Variants in CAPN2 observed in about 807,000 individuals in gnomAD.
CAPN2 encodes the protein calpain-2 catalytic subunit.
Under a neutral mutation model 102.3 loss-of-function variants are expected in CAPN2, and 92 were observed. The ratio of observed to expected loss-of-function variants is 0.90; its 90% CI spans 0.76 to 1.07. CAPN2 has a LOEUF of 1.07. CAPN2 is among the 50% of genes least tolerant of loss of function. The pLI, the probability that CAPN2 is intolerant of heterozygous loss-of-function variation, is 0.00. For missense variants in CAPN2, 800 were observed against 909.4 expected, an observed-to-expected ratio of 0.88 and a Z score of 1.55; for synonymous variants, 340 against 355.4, an observed-to-expected ratio of 0.96 and a Z score of 0.49.
Position 223,755,347 on chromosome 1 carries a change from T to C in CAPN2, c.1136-133T>C. ...CACCATCCCCCACCACCTCTTACCATCTCCCACCACCTCCCACCATCTCCC... is the reference window on the plus strand; with the variant it reads ...CACCATCCCCCACCACCTCTTACCACCTCCCACCACCTCCCACCATCTCCC... On this transcript the variant is annotated intron_variant, in intron 9 of 20. Coordinates refer to ENST00000295006, the MANE Select transcript of CAPN2 (RefSeq NM_001748.5). This position sits in a 1 kb window ranked among gnomAD's most constrained non-coding sequence, Gnocchi z 4.1. The C allele has an allele frequency of 2.5e-6, 2 of 810,876 alleles. No individual in the cohort carries two copies. The highest frequency in any genetic ancestry group is 2.6e-5 in the East Asian group (1 of 38,682). The allele number at this position is 810,876 out of a possible 1,614,324, so 50.2% of individuals were successfully genotyped here.
chr1:223,718,043 T>C (rs1659927735), intron 2 of CAPN2, among the ~76,000 whole-genome samples: 1 of 152,240 alleles, frequency 6.6e-6, no homozygotes, highest in Non-Finnish European at 1.5e-5. Context: ...CTGTGTCCCC[T>C]GCACAGGGCT....
At chr1:223,703,460 G>C (rs533492821) in intron 1 of CAPN2, among the ~76,000 whole-genome samples, 1 of 152,260 alleles carries the variant, frequency 6.6e-6, no homozygotes, top group Non-Finnish European at 1.5e-5. Flanking sequence ...GTTCTCTCCA[G>C]GCTGCTCCAG....
chr1:223,774,744 C>A, intron 20 of CAPN2, 90 bp from the exon 21 acceptor site: 1 of 1,165,582 alleles, frequency 8.6e-7, no homozygotes. Context: ...TTTTCCAGTA[C>A]AAGTTTTTTG....
intron 2 of CAPN2, among the ~76,000 whole-genome samples, chr1:223,743,889 A>C (rs1660684917): frequency 6.6e-6 from 1 of 152,230 alleles, no homozygotes; most frequent in African/African-American, 2.4e-5. Flanking sequence ...TCAAAATACT[A>C]GGTTGGTGCA....
At position 223,712,702 on chromosome 1, in the gene CAPN2, A is replaced by G. The variant is rs778315168; in HGVS notation, c.62A>G (p.His21Arg). The G allele has an allele frequency of 4.2e-5, 67 of 1,578,814 alleles. No homozygotes were observed. The highest frequency in any genetic ancestry group is 1.1e-5 in the Non-Finnish European group (13 of 1,165,252). Residue 21 changes from histidine to arginine, a missense_variant, in exon 1 of 21, where the codon CAC becomes CGC. Physicochemically the swap from His to Arg is conservative, Grantham distance 29. Coordinates refer to ENST00000295006, the MANE Select transcript of CAPN2 (RefSeq NM_001748.5). Reference sequence around the variant, plus strand: ...GAGGCGGCCGAGGGGCTGGGCTCCCACGACAGGGCCATCAAGTACCTCAAC... The same window carrying G: ...GAGGCGGCCGAGGGGCTGGGCTCCCGCGACAGGGCCATCAAGTACCTCAAC... ...DREAAEGLGS[H>R]DRAIKYLNQD...
intron 2 of CAPN2, among the ~76,000 whole-genome samples, chr1:223,719,279 G>C (rs1490265810): frequency 6.6e-6 from 1 of 152,138 alleles, no homozygotes; most frequent in Non-Finnish European, 1.5e-5. Context: ...GCTCACATCT[G>C]TAATCCCAGC....
intron 1 of CAPN2, among the ~76,000 whole-genome samples, chr1:223,714,640 A>AAT (rs1659828757): frequency 1.3e-5 from 2 of 151,346 alleles, no homozygotes; most frequent in Admixed American, 1.3e-4. Flanking sequence ...AAAAAAAAAA[A>AAT]GTGAAACACA....
chr1:223,702,294 G>C lies in CAPN2; in HGVS notation c.3+463G>C, dbSNP rs778481762. On this transcript the variant is annotated intron_variant, in intron 1 of 20. Transcript: ENST00000433674. ...TACAAAAATTAGCTGGGCCGTAATG[G>C]TGCACACCTGTAATCCCAGCTACTA... Among the ~76,000 whole-genome samples, 196 of 152,092 alleles carry C rather than the reference G, an allele frequency of 1.3e-3. 1 individual carries two copies. Among genetic ancestry groups the C allele is most frequent in the Non-Finnish European group, 1.6e-3 (112 of 67,970 alleles).
rs1330078046 is a variant in CAPN2 at position 223,772,245 on chromosome 1, T to C, written c.2079+6T>C. ...TAGAGCTCGACCTTATCTCTGTGAG[T>C]CAGCAGGCCCCGCCTTGCTTCTAAG... On this transcript the variant is annotated splice_donor_region_variant and intron_variant, in intron 20 of 20. Transcript: ENST00000295006. The C allele has an allele frequency of 6.2e-7, 1 of 1,613,356 alleles. No homozygotes were observed.
intron 2 of CAPN2, among the ~76,000 whole-genome samples, chr1:223,730,993 A>G (rs919105898): frequency 2.6e-5 from 4 of 152,230 alleles, no homozygotes; most frequent in African/African-American, 7.2e-5. Context: ...TCAGGGAGCT[A>G]TGGAAGTAGT....
intron 14 of CAPN2, among the ~76,000 whole-genome samples, 194 bp downstream of exon 14, chr1:223,762,445 G>A (rs755309555): frequency 4.1e-4 from 62 of 152,128 alleles, no homozygotes; most frequent in Admixed American, 7.2e-4. Flanking sequence ...GCATGCTGCC[G>A]GGGGCTTCCA....
chr1:223,737,589 A>C (rs2102789841), intron 2 of CAPN2, among the ~76,000 whole-genome samples: 1 of 151,938 alleles, frequency 6.6e-6, no homozygotes, highest in East Asian at 1.9e-4. Context: ...TGGGATGAGA[A>C]AGGCAGATGA....
chr1:223,702,288 G>A (rs1201404334), intron 1 of CAPN2, among the ~76,000 whole-genome samples: 2 of 151,818 alleles, frequency 1.3e-5, no homozygotes, highest in East Asian at 1.9e-4. Context: ...TAGCTGGGCC[G>A]TAATGGTGCA....
chr1:223,752,181 C>A, intron 8 of CAPN2, 110 bp downstream of exon 8: 1 of 737,596 alleles, frequency 1.4e-6, no homozygotes, highest in Non-Finnish European at 2.3e-6. Context: ...ATGTCGAGGA[C>A]ACAAGCGTGT....
intron 5 of CAPN2, among the ~76,000 whole-genome samples, chr1:223,748,503 C>T (rs1234768677): frequency 1.3e-5 from 2 of 152,256 alleles, no homozygotes; most frequent in African/African-American, 4.8e-5. Context: ...CAAATTCTGA[C>T]TCAGACCGGA....
At position 223,756,928 on chromosome 1, in the gene CAPN2, T is replaced by C. The variant is rs928911336; in HGVS notation, c.1306-441T>C. On this transcript the variant is annotated intron_variant, in intron 10 of 20. Coordinates refer to ENST00000295006, the MANE Select transcript of CAPN2 (RefSeq NM_001748.5). The surrounding 1 kb of genome is among the most constrained non-coding windows in gnomAD (Gnocchi z 4.1). ...GGTCCTATTTTTGAGACAAGAAAACTGAGGCCAGAGAGGAGAGGGGACTTG... is the reference window on the plus strand; with the variant it reads ...GGTCCTATTTTTGAGACAAGAAAACCGAGGCCAGAGAGGAGAGGGGACTTG... Among the ~76,000 whole-genome samples, 2 of 152,120 alleles carry C rather than the reference T, an allele frequency of 1.3e-5. No individual in the cohort carries two copies. Among genetic ancestry groups the C allele is most frequent in the African/African-American group, 4.8e-5 (2 of 41,422 alleles).
intron 1 of CAPN2, among the ~76,000 whole-genome samples, chr1:223,703,169 T>C (rs1468558543): frequency 6.6e-6 from 1 of 152,174 alleles, no homozygotes; most frequent in Non-Finnish European, 1.5e-5. Context: ...CCAACTCCAC[T>C]ACCCACTGAC....
In CAPN2 at chr1:223,766,374, T is replaced by C. The variant is rs1414143932; in HGVS notation, c.1698T>C (p.Asp566=). The C allele has an allele frequency of 1.9e-6, 3 of 1,613,622 alleles. No individual in the cohort carries two copies. Among genetic ancestry groups the C allele is most frequent in the East Asian group, 2.2e-5 (1 of 44,886 alleles). ...ILRRVLAKRQ[D]IKSDGFSIET... ...ACTGATTTTGTCTTTTAGGCCAAGA[T>C]ATCAAGTCAGATGGCTTCAGCATCG... The change falls in exon 16 of 21, where the codon GAT becomes GAC. Residue 566 remains aspartate, a synonymous_variant. Transcript: ENST00000295006.
intron 12 of CAPN2, among the ~76,000 whole-genome samples, chr1:223,760,811 A>G (rs1661164633): frequency 6.6e-6 from 1 of 152,066 alleles, no homozygotes; most frequent in African/African-American, 2.4e-5. Context: ...CCAAAATATT[A>G]ATCCTTCTGC....
Sources: gnomAD v4.1 joint callset for allele counts (sites outside exome capture counted in the v4.1 genomes callset) on GRCh38, gnomAD v4.1.1 for gene constraint, Gnocchi (gnomAD v3.1) non-coding constraint, MANE v1.5 for transcripts, NCBI Gene and HGNC (gene_info 2026-07-23, HGNC 2026-07-21) for gene names.